The following PPP1R21 variants were observed in gnomAD, a reference collection of about 807,000 sequenced individuals.
PPP1R21 encodes protein phosphatase 1 regulatory subunit 21, also known as KLRAQ motif containing 1.
In PPP1R21, 85 loss-of-function variants were observed where a neutral mutation model predicts 112.8. The ratio of observed to expected loss-of-function variants is 0.75; its 90% CI spans 0.63 to 0.90. The LOEUF (loss-of-function observed/expected upper bound fraction) is 0.90. PPP1R21 is among the 40% of genes least tolerant of loss of function. PPP1R21 has a pLI of 0.00. For synonymous variants in PPP1R21, 381 were observed against 322.3 expected, an observed-to-expected ratio of 1.18 and a Z score of -1.95; for missense variants, 1,199 against 901.5, an observed-to-expected ratio of 1.33 and a Z score of -4.23.
chr2:48,492,181 A>G (rs924259107), intron 15 of PPP1R21, among the ~76,000 whole-genome samples: 6 of 152,208 alleles, frequency 3.9e-5, no homozygotes, highest in African/African-American at 1.4e-4. Flanking sequence ...TTACAGGTAA[A>G]TTATAATCCC....
At position 48,470,621 on chromosome 2, in the gene PPP1R21, A is replaced by G. The variant is rs182773222; in HGVS notation, c.898-466A>G. On this transcript the variant is annotated intron_variant, in intron 9 of 21. Transcript: ENST00000294952. Reference sequence around the variant, plus strand: ...ATACATTAAAAATAAGCTTTCCTCAATAGGCTTGTTTTTTAAAAATTGGGT... The same window carrying G: ...ATACATTAAAAATAAGCTTTCCTCAGTAGGCTTGTTTTTTAAAAATTGGGT... Among the ~76,000 whole-genome samples, 410 of 152,234 alleles carry G rather than the reference A, an allele frequency of 2.7e-3. 1 individual carries two copies. Among genetic ancestry groups the G allele is most frequent in the Middle Eastern group, 6.8e-3 (2 of 294 alleles).
chr2:48,460,763 TAAAA>T (rs914733604), intron 6 of PPP1R21, among the ~76,000 whole-genome samples: 4 of 152,140 alleles, frequency 2.6e-5, no homozygotes, highest in Non-Finnish European at 4.4e-5. Context: ...AGTATGTACT[TAAAA>T]AAAGTCTATA....
chr2:48,446,645 T>C (rs1667260235), intron 1 of PPP1R21, among the ~76,000 whole-genome samples: 1 of 152,218 alleles, frequency 6.6e-6, no homozygotes, highest in African/African-American at 2.4e-5. Context: ...GAGTTCCTTC[T>C]CTATCCATAG....
intron 1 of PPP1R21, among the ~76,000 whole-genome samples, chr2:48,448,028 CTCAT>C (rs1667323327): frequency 6.6e-6 from 1 of 151,952 alleles, no homozygotes; most frequent in South Asian, 2.1e-4. Flanking sequence ...TTATAAGCTT[CTCAT>C]TCAGTAATGC....
chr2:48,493,288 A>C (rs1669656128), intron 15 of PPP1R21, among the ~76,000 whole-genome samples: 1 of 152,118 alleles, frequency 6.6e-6, no homozygotes, highest in East Asian at 1.9e-4. Flanking sequence ...TACAGGCGTG[A>C]GCCACTGCGC....
At chr2:48,492,010 A>T (rs1157211506) in intron 15 of PPP1R21, among the ~76,000 whole-genome samples, 1 of 152,212 alleles carries the variant, frequency 6.6e-6, no homozygotes, top group Non-Finnish European at 1.5e-5. Context: ...AATTTAATTC[A>T]TTGCTGGTAG....
chr2:48,509,828 G>C (rs1210801189), intron 19 of PPP1R21, among the ~76,000 whole-genome samples, 187 bp from the exon 20 acceptor site: 6 of 152,184 alleles, frequency 3.9e-5, no homozygotes, highest in Admixed American at 2.6e-4. Context: ...AAATGACAAA[G>C]CTGGGGGCCA....
In PPP1R21 at chr2:48,465,622, A is replaced by C. The variant is rs145521877; in HGVS notation, c.877A>C (p.Ile293Leu). ...TCCTGTTGATTCTGCCATTGACACT[A>C]TATCTCCATTGAATCAGAAGGTAAA... ...IFPVDSAIDT[I>L]SPLNQKFSQY... Residue 293 changes from isoleucine (I) to leucine (L), a missense_variant, in exon 9 of 22, where the codon ATA becomes CTA. Coordinates refer to ENST00000294952, the MANE Select transcript of PPP1R21 (RefSeq NM_001135629.3). 1 of 1,612,152 alleles carries C rather than the reference A, an allele frequency of 6.2e-7. No individual in the cohort carries two copies. Among genetic ancestry groups the C allele is most frequent in the Non-Finnish European group, 8.5e-7 (1 of 1,179,518 alleles).
chr2:48,482,143 A>G (rs1360544172), intron 13 of PPP1R21, among the ~76,000 whole-genome samples: 6 of 152,220 alleles, frequency 3.9e-5, no homozygotes, highest in Non-Finnish European at 8.8e-5. Context: ...GTCTCAGTGT[A>G]AACAGAGGGA....
intron 11 of PPP1R21, among the ~76,000 whole-genome samples, chr2:48,474,461 C>A (rs1444276120): frequency 6.6e-6 from 1 of 152,194 alleles, no homozygotes; most frequent in Non-Finnish European, 1.5e-5. Flanking sequence ...GGACATATGC[C>A]TTTATCTGTT....
chr2:48,467,934 C>G (rs868532105), intron 9 of PPP1R21, among the ~76,000 whole-genome samples: 4 of 152,168 alleles, frequency 2.6e-5, no homozygotes, highest in Non-Finnish European at 4.4e-5. Flanking sequence ...GCCATTCGTC[C>G]TACATAACCT....
chr2:48,466,382 T>G (rs1334354448), intron 9 of PPP1R21, among the ~76,000 whole-genome samples: 1 of 151,984 alleles, frequency 6.6e-6, no homozygotes, highest in African/African-American at 2.4e-5. Flanking sequence ...GGCTAATTTT[T>G]TTTTTCTTTT....
At chr2:48,447,630 C>G (rs1325139494) in intron 1 of PPP1R21, among the ~76,000 whole-genome samples, 1 of 152,078 alleles carries the variant, frequency 6.6e-6, no homozygotes, top group South Asian at 2.1e-4. Flanking sequence ...GTGGTGAATA[C>G]TGGTGCAGAG....
chr2:48,479,693 A>G (rs1668919380), intron 12 of PPP1R21: 2 of 615,858 alleles, frequency 3.2e-6, no homozygotes, highest in Non-Finnish European at 5.9e-6. Flanking sequence ...TAACAACTGA[A>G]TTTTGTTTCT....
intron 18 of PPP1R21, among the ~76,000 whole-genome samples, chr2:48,507,034 C>T (rs1670413289): frequency 6.6e-6 from 1 of 151,142 alleles, no homozygotes; most frequent in African/African-American, 2.4e-5. Flanking sequence ...TACTTCAGTT[C>T]TGTTTTCTTG....
chr2:48,504,582 A>C (rs1459213518), intron 17 of PPP1R21, among the ~76,000 whole-genome samples: 1 of 152,324 alleles, frequency 6.6e-6, no homozygotes, highest in East Asian at 1.9e-4. Context: ...TGGAGGTTGC[A>C]GTGAGCCTCG....
At chr2:48,443,400 G>A (rs2103723350) in intron 1 of PPP1R21, among the ~76,000 whole-genome samples, 1 of 152,320 alleles carries the variant, frequency 6.6e-6, no homozygotes, top group South Asian at 2.1e-4. Flanking sequence ...AGGTAATGTT[G>A]GAAGTAATGG....
In PPP1R21 at chr2:48,515,255, C is replaced by T. The variant is rs1214104247; in HGVS notation, c.*511C>T. On this transcript the variant is annotated 3_prime_UTR_variant, in exon 22 of 22. Coordinates refer to ENST00000294952, the MANE Select transcript of PPP1R21 (RefSeq NM_001135629.3). The stretch of plus-strand genomic sequence containing the variant: ...CTCTCTCTCTCTCTCTCTTCTTTCT[C>T]TCTGAGGGAGAGGGAGCCCTCCAAA... 1.7e-5 allele frequency: 1 copy of T among 58,352 alleles called. No homozygotes were observed. Among genetic ancestry groups the T allele is most frequent in the Non-Finnish European group, 3.7e-5 (1 of 26,830 alleles). 3.6% of individuals were successfully genotyped at this position (58,352 alleles called of 1,614,324 possible).
chr2:48,508,698 A>G (rs536996366), intron 19 of PPP1R21, among the ~76,000 whole-genome samples: 7 of 152,328 alleles, frequency 4.6e-5, no homozygotes, highest in South Asian at 2.1e-4. Context: ...TTGCATGCCT[A>G]TATTCCTCTT....
Sources: gnomAD v4.1 joint callset for allele counts (sites outside exome capture counted in the v4.1 genomes callset) on GRCh38, gnomAD v4.1.1 for gene constraint, MANE v1.5 for transcripts, NCBI Gene and HGNC (gene_info 2026-07-23, HGNC 2026-07-21) for gene names.